Variants in EYS observed in about 807,000 individuals in gnomAD.
EYS encodes the protein EGF-like photoreceptor maintenance factor, also known as protein eyes shut homolog.
A neutral mutation model predicts 282.1 loss-of-function variants in EYS; 250 were observed. The ratio of observed to expected loss-of-function variants is 0.89; its 90% CI spans 0.80 to 0.98. The LOEUF (loss-of-function observed/expected upper bound fraction) is 0.98. EYS is among the 50% of genes least tolerant of loss of function. EYS has a pLI of 0.00. For missense variants in EYS, 4,016 were observed against 3,709.0 expected (o/e 1.08, Z -2.15); for synonymous variants, 1,355 against 1,282.9 (o/e 1.06, Z -1.20).
At chr6:64,463,799 T>C (rs1453870648) in intron 26 of EYS, among the ~76,000 whole-genome samples, 2 of 152,154 alleles carry the variant, frequency 1.3e-5, no homozygotes, top group Non-Finnish European at 2.9e-5. Flanking sequence ...TCAGTAATAA[T>C]GTGTTTCTTA....
chr6:64,656,226 G>A (rs555356934), intron 22 of EYS, among the ~76,000 whole-genome samples: 1 of 152,228 alleles, frequency 6.6e-6, no homozygotes, highest in Non-Finnish European at 1.5e-5. Flanking sequence ...TTTTACGATG[G>A]TGTCTAATGA....
At chr6:65,559,475 T>C (rs1768949135) in intron 2 of EYS, among the ~76,000 whole-genome samples, 2 of 152,186 alleles carry the variant, frequency 1.3e-5, no homozygotes, top group Admixed American at 6.5e-5. Context: ...TTTCTGCAGG[T>C]ACAGAAATGA....
chr6:63,916,721 T>C (rs1255101271), intron 35 of EYS, among the ~76,000 whole-genome samples: 3 of 152,252 alleles, frequency 2.0e-5, no homozygotes, highest in Non-Finnish European at 4.4e-5. Context: ...ATGTTTTAAA[T>C]TTTGATGAAA....
chr6:65,273,163 T>G (rs1767949857), intron 12 of EYS, among the ~76,000 whole-genome samples: 1 of 152,162 alleles, frequency 6.6e-6, no homozygotes, highest in African/African-American at 2.4e-5. Context: ...ATTTAAAATA[T>G]CTGAATGGTT....
chr6:64,014,561 T>C (rs1382849107), intron 33 of EYS, among the ~76,000 whole-genome samples: 1 of 152,102 alleles, frequency 6.6e-6, no homozygotes, highest in Non-Finnish European at 1.5e-5. Flanking sequence ...GTATTAAAAA[T>C]ATGAAGAGAG....
intron 1 of EYS, among the ~76,000 whole-genome samples, chr6:65,651,964 C>A (rs921890448): frequency 6.0e-5 from 9 of 150,924 alleles, no homozygotes; most frequent in Non-Finnish European, 1.2e-4. Flanking sequence ...ATAAAAGATT[C>A]TTTTTTTTTA....
intron 26 of EYS, among the ~76,000 whole-genome samples, chr6:64,531,651 T>C (rs1169086718): frequency 6.6e-6 from 1 of 151,536 alleles, no homozygotes; most frequent in African/African-American, 2.4e-5. Context: ...CAGGATGGTC[T>C]TGATCTCCTG....
intron 5 of EYS, among the ~76,000 whole-genome samples, chr6:65,467,532 CACAA>C (rs1328061881): frequency 2.6e-5 from 4 of 151,882 alleles, no homozygotes; most frequent in African/African-American, 7.2e-5. Flanking sequence ...TACACACACA[CACAA>C]ACACTCATAC....
intron 22 of EYS, among the ~76,000 whole-genome samples, chr6:64,753,390 A>C (rs1772828025): frequency 6.6e-6 from 1 of 152,032 alleles, no homozygotes; most frequent in Non-Finnish European, 1.5e-5. Context: ...GCTGATAAAG[A>C]CATTTTCAGA....
At chr6:64,929,441 C>T (rs1338138158) in intron 15 of EYS, among the ~76,000 whole-genome samples, 1 of 152,134 alleles carries the variant, frequency 6.6e-6, no homozygotes, top group Non-Finnish European at 1.5e-5. Context: ...TGCCTGTCTT[C>T]AAATAATATG....
chr6:65,067,858 G>A (rs994760600), intron 12 of EYS, among the ~76,000 whole-genome samples: 2 of 152,050 alleles, frequency 1.3e-5, no homozygotes, highest in Admixed American at 1.3e-4. Flanking sequence ...GTTATATAAT[G>A]AGCATAGAGT....
At chr6:65,525,876 A>G (rs922544124) in intron 2 of EYS, among the ~76,000 whole-genome samples, 4 of 152,364 alleles carry the variant, frequency 2.6e-5, no homozygotes, top group Admixed American at 2.0e-4. Flanking sequence ...TAATTAGACT[A>G]CTAATAACAT....
At chr6:64,457,489 C>CA (rs1775592915) in intron 26 of EYS, among the ~76,000 whole-genome samples, 1 of 151,968 alleles carries the variant, frequency 6.6e-6, no homozygotes, top group African/African-American at 2.4e-5. Flanking sequence ...TATCATATTG[C>CA]AGTCTCTCTC....
intron 8 of EYS, among the ~76,000 whole-genome samples, chr6:65,371,735 C>CTG (rs1321007648): frequency 0.01 from 479 of 47,868 alleles, 1 homozygote; most frequent in African/African-American, 0.028. Context: ...CTCTCTCTCT[C>CTG]TCTCTCTGTG....
intron 19 of EYS, among the ~76,000 whole-genome samples, chr6:64,877,901 T>C (rs1766799089): frequency 6.6e-6 from 1 of 152,074 alleles, no homozygotes; most frequent in Non-Finnish European, 1.5e-5. Context: ...AGAGAATAAT[T>C]TATGCTGGAG....
chr6:64,937,019 AAGTTAC>A (rs1176305074), intron 15 of EYS, among the ~76,000 whole-genome samples: 2 of 151,512 alleles, frequency 1.3e-5, no homozygotes, highest in Non-Finnish European at 3.0e-5. Context: ...ATTCATGTTA[AAGTTAC>A]CAAGATAATT....
intron 21 of EYS, among the ~76,000 whole-genome samples, chr6:64,819,161 A>G (rs565068782): frequency 1.8e-3 from 276 of 152,268 alleles, no homozygotes; most frequent in Admixed American, 3.2e-3. Context: ...AAGCTAAAAT[A>G]AATAGGGCAG....
chr6:64,362,809 G>GGTT (rs1772060797), intron 29 of EYS, among the ~76,000 whole-genome samples: 1 of 151,664 alleles, frequency 6.6e-6, no homozygotes, highest in Admixed American at 6.6e-5. Flanking sequence ...TCACAAGTTA[G>GGTT]GTTATTATTA....
intron 40 of EYS, 148 bp from the exon 41 acceptor site, chr6:63,762,781 A>G (rs917153565): frequency 1.3e-6 from 1 of 748,088 alleles, no homozygotes; most frequent in African/African-American, 1.8e-5. Flanking sequence ...TTGTCAAAGG[A>G]AAGAGTTAAT....
Sources: allele counts gnomAD v4.1 joint callset (sites outside exome capture counted in the v4.1 genomes callset), GRCh38; gene constraint gnomAD v4.1.1; transcripts MANE v1.5; gene names NCBI Gene and HGNC (gene_info 2026-07-23, HGNC 2026-07-21).